Variants in DAB1 observed in about 807,000 individuals in gnomAD.
DAB1 encodes the protein DAB adaptor protein 1, also known as disabled homolog 1.
In DAB1, 15 loss-of-function variants were observed where a neutral mutation model predicts 64.6. That is an observed-to-expected ratio of 0.23 (90% CI 0.16 to 0.36). DAB1 has a LOEUF of 0.36. DAB1 is among the 10% of genes least tolerant of loss of function. The pLI, the probability that DAB1 is intolerant of heterozygous loss-of-function variation, is 1.00. For synonymous variants in DAB1, 235 were observed against 251.9 expected, an observed-to-expected ratio of 0.93 and a Z score of 0.64; for missense variants, 596 against 706.7, an observed-to-expected ratio of 0.84 and a Z score of 1.78.
chr1:57,415,854 GT>G (rs1345818822), intron 1 of DAB1, among the ~76,000 whole-genome samples: 1 of 152,048 alleles, frequency 6.6e-6, no homozygotes, highest in Non-Finnish European at 1.5e-5. Flanking sequence ...TCTGTGCAGC[GT>G]TTTTCTATGT....
intron 1 of DAB1, among the ~76,000 whole-genome samples, chr1:57,344,747 A>C (rs1677943765): frequency 6.6e-6 from 1 of 152,132 alleles, no homozygotes; most frequent in South Asian, 2.1e-4. Flanking sequence ...GAGATCACAG[A>C]CTTTGGGGCA....
intron 6 of DAB1, among the ~76,000 whole-genome samples, chr1:57,735,943 T>A (rs553752833): frequency 1.3e-5 from 2 of 152,228 alleles, no homozygotes; most frequent in East Asian, 3.9e-4. Flanking sequence ...GCCTTTTTGG[T>A]TCTTAAATAA....
At chr1:57,802,561 A>G (rs976710051) in intron 6 of DAB1, among the ~76,000 whole-genome samples, 2 of 152,180 alleles carry the variant, frequency 1.3e-5, no homozygotes, top group African/African-American at 4.8e-5. Context: ...CCAGTGTCGA[A>G]TCATAACCCC....
intron 6 of DAB1, among the ~76,000 whole-genome samples, chr1:57,758,430 A>C (rs1648918161): frequency 6.6e-6 from 1 of 152,236 alleles, no homozygotes; most frequent in African/African-American, 2.4e-5. Context: ...TAGACTTAAA[A>C]AAATCTCTCC....
intron 1 of DAB1, among the ~76,000 whole-genome samples, chr1:57,330,911 T>G (rs1431963888): frequency 6.6e-6 from 1 of 152,138 alleles, no homozygotes; most frequent in Non-Finnish European, 1.5e-5. Flanking sequence ...CTCCTCTTCC[T>G]GGTGAACTGT....
At chr1:58,230,698 C>T (rs1330542985) in intron 4 of DAB1, among the ~76,000 whole-genome samples, 2 of 152,310 alleles carry the variant, frequency 1.3e-5, no homozygotes, top group East Asian at 1.9e-4. Flanking sequence ...ATCACTGCTT[C>T]GTCAGAAGCA....
At chr1:57,478,520 C>T (rs1456386289) in intron 7 of DAB1, among the ~76,000 whole-genome samples, 2 of 150,102 alleles carry the variant, frequency 1.3e-5, no homozygotes, top group Non-Finnish European at 3.0e-5. Context: ...TGACTTTATA[C>T]ATGTTATAAT....
chr1:57,898,708 C>T (rs1433455980), intron 5 of DAB1, among the ~76,000 whole-genome samples: 2 of 152,114 alleles, frequency 1.3e-5, no homozygotes, highest in Admixed American at 1.3e-4. Flanking sequence ...GTCTCTGCCC[C>T]CACTTGGTTT....
At chr1:57,118,242 T>A (rs1413567308) in intron 4 of DAB1, among the ~76,000 whole-genome samples, 1 of 152,100 alleles carries the variant, frequency 6.6e-6, no homozygotes, top group Non-Finnish European at 1.5e-5. Context: ...TCGAACAGAC[T>A]CTCTAATGAC....
intron 3 of DAB1, among the ~76,000 whole-genome samples, chr1:58,475,741 T>C (rs1022408808): frequency 3.3e-5 from 5 of 152,162 alleles, no homozygotes; most frequent in African/African-American, 1.2e-4. Flanking sequence ...GTTACTATAT[T>C]TAAACCCATA....
At chr1:57,192,289 C>A (rs1486526045) in intron 2 of DAB1, among the ~76,000 whole-genome samples, 4 of 150,342 alleles carry the variant, frequency 2.7e-5, no homozygotes, top group African/African-American at 9.8e-5. Flanking sequence ...TACACTCCAG[C>A]CCGGGTGACA....
At chr1:58,293,142 G>C (rs1021989737) in intron 4 of DAB1, among the ~76,000 whole-genome samples, 34 of 152,198 alleles carry the variant, frequency 2.2e-4, no homozygotes, top group Admixed American at 1.8e-3. Context: ...AGGATGTATT[G>C]TGAAAGTTCT....
intron 7 of DAB1, among the ~76,000 whole-genome samples, chr1:57,477,883 T>G (rs1340020662): frequency 6.6e-6 from 1 of 152,162 alleles, no homozygotes; most frequent in Non-Finnish European, 1.5e-5. Flanking sequence ...ATGCAGTGCC[T>G]TTCCCAGAAT....
intron 7 of DAB1, among the ~76,000 whole-genome samples, chr1:57,530,639 T>C (rs1184833892): frequency 2.0e-5 from 3 of 149,830 alleles, no homozygotes; most frequent in African/African-American, 7.3e-5. Flanking sequence ...CAAGCAATTA[T>C]ATTGTGAAGA....
intron 1 of DAB1, among the ~76,000 whole-genome samples, chr1:57,379,965 A>T (rs1301336672): frequency 1.3e-5 from 2 of 152,236 alleles, no homozygotes; most frequent in Non-Finnish European, 2.9e-5. Context: ...ATGTGAATCC[A>T]CGTGAAGCTC....
intron 7 of DAB1, among the ~76,000 whole-genome samples, chr1:57,540,093 C>T (rs1239851370): frequency 6.6e-6 from 1 of 152,200 alleles, no homozygotes; most frequent in Non-Finnish European, 1.5e-5. Context: ...ATGGGCCAAG[C>T]TCTGGCCCAC....
intron 4 of DAB1, among the ~76,000 whole-genome samples, chr1:58,194,879 G>A (rs1253961354): frequency 6.6e-6 from 1 of 152,174 alleles, no homozygotes; most frequent in South Asian, 2.1e-4. Context: ...TATTGTCCAG[G>A]CACAGCCTGG....
chr1:58,505,849 T>G (rs372420661), intron 3 of DAB1, among the ~76,000 whole-genome samples: 60 of 152,300 alleles, frequency 3.9e-4, no homozygotes, highest in African/African-American at 1.4e-3. Context: ...TTAAGAAAAG[T>G]CAACTGTACA....
intron 7 of DAB1, among the ~76,000 whole-genome samples, chr1:57,556,944 A>AT (rs1644996083): frequency 6.6e-6 from 1 of 152,170 alleles, no homozygotes; most frequent in Non-Finnish European, 1.5e-5. Flanking sequence ...TCTTGAGTTG[A>AT]TTTTTTTGTA....
Sources: gnomAD v4.1 joint callset for allele counts (sites outside exome capture counted in the v4.1 genomes callset) on GRCh38, gnomAD v4.1.1 for gene constraint, MANE v1.5 for transcripts, NCBI Gene and HGNC (gene_info 2026-07-23, HGNC 2026-07-21) for gene names.